The following MTAP variants were observed in gnomAD, a reference collection of about 807,000 sequenced individuals.
The protein encoded by MTAP is S-methyl-5'-thioadenosine phosphorylase.
MTAP carries 33 observed loss-of-function variants against 33.6 expected under a neutral mutation model. The observed-to-expected ratio is 0.98, with a 90% CI of 0.74 to 1.31. The LOEUF is 1.31. MTAP is among the 40% of genes most tolerant of loss of function. The pLI, the probability that MTAP is intolerant of heterozygous loss-of-function variation, is 0.00. For missense variants in MTAP, 367 were observed against 360.0 expected (o/e 1.02, Z -0.16); for synonymous variants, 148 against 125.7 (o/e 1.18, Z -1.19).
intron 1 of MTAP, among the ~76,000 whole-genome samples, chr9:21,872,270 A>G (rs1282904043): frequency 6.6e-6 from 1 of 152,202 alleles, no homozygotes; most frequent in African/African-American, 2.4e-5. Flanking sequence ...GTGAGCCAAG[A>G]TTGCGCCACT....
downstream of MTAP, chr9:21,933,165 A>G (rs1818989655): frequency 6.6e-6 from 1 of 152,218 alleles, no homozygotes; most frequent in African/African-American, 2.4e-5. Flanking sequence ...ATTCATGGGC[A>G]CCATCCTGAA....
chr9:21,867,321 C>T (rs368957961), downstream of MTAP, among the ~76,000 whole-genome samples: 87 of 152,152 alleles, frequency 5.7e-4, no homozygotes, highest in African/African-American at 2.0e-3. Context: ...AGGTTTTTTC[C>T]GTTTCATGTT....
downstream of MTAP, among the ~76,000 whole-genome samples, chr9:21,939,120 A>G (rs139648345): frequency 2.6e-5 from 4 of 152,284 alleles, no homozygotes; most frequent in East Asian, 7.7e-4. Flanking sequence ...TGGGTTAATC[A>G]GGGGTTTCTG....
At chr9:21,848,377 T>C (rs1056887642) in intron 5 of MTAP, among the ~76,000 whole-genome samples, 3 of 152,056 alleles carry the variant, frequency 2.0e-5, no homozygotes, top group Non-Finnish European at 4.4e-5. Flanking sequence ...ACTAAGGGTG[T>C]GGGATAATGG....
downstream of MTAP, among the ~76,000 whole-genome samples, chr9:21,938,355 C>G (rs1819075908): frequency 6.6e-6 from 1 of 151,428 alleles, no homozygotes; most frequent in Non-Finnish European, 1.5e-5. Flanking sequence ...GGAGGATCAC[C>G]TGAACCTAAG....
chr9:21,804,864 G>A (rs185030208), intron 1 of MTAP, among the ~76,000 whole-genome samples: 3 of 152,326 alleles, frequency 2.0e-5, no homozygotes, highest in Admixed American at 1.3e-4. Context: ...CTAGAGCCTG[G>A]CATTCCACCA....
At chr9:21,895,858 G>A (rs1818283594) in intron 1 of MTAP, among the ~76,000 whole-genome samples, 1 of 152,184 alleles carries the variant, frequency 6.6e-6, no homozygotes, top group Admixed American at 6.5e-5. Context: ...AGGCTTGCCT[G>A]CCTCTGTAGA....
intron 4 of MTAP, among the ~76,000 whole-genome samples, chr9:21,835,730 C>A (rs1825088739): frequency 6.6e-6 from 1 of 152,158 alleles, no homozygotes; most frequent in African/African-American, 2.4e-5. Flanking sequence ...CTCCCCTCAG[C>A]TGTGATTGTA....
rs1825795044 is a variant in MTAP, at chr9:21,863,535, A to C, written c.*1521A>C. ...GGCAGGAGAATGGTGTGAACCTGGG[A>C]GGTGGAGCTTGCAGTGAGCAGAGCT... On this transcript the variant is annotated 3_prime_UTR_variant, in exon 8 of 8. Coordinates refer to ENST00000644715, the MANE Select transcript of MTAP (RefSeq NM_002451.4). 6.2e-6 allele frequency: 4 copies of C among 648,542 alleles called. No homozygotes were observed. The African/African-American group carries it at 7.9e-5, about 13-fold the overall frequency. The allele number at this position is 648,542 out of a possible 1,614,324, so 40.2% of individuals were successfully genotyped here.
In MTAP at chr9:21,922,809, G is replaced by A. The variant is rs1302731965; in HGVS notation, c.148-8199G>A. ...CTTACCCTGACCGGTGGCTTACAGG[G>A]GTAGGAAGGACCTTGGAGTCCACAC... On this transcript the variant is annotated intron_variant, in intron 1 of 1. Coordinates refer to the MTAP transcript ENST00000577563. This position sits in a 1 kb window ranked among gnomAD's most constrained non-coding sequence, Gnocchi z 4.8. Among the ~76,000 whole-genome samples the A allele has an allele frequency of 6.6e-6, 1 of 152,148 alleles. No homozygotes were observed. Among genetic ancestry groups the A allele is most frequent in the Non-Finnish European group, 1.5e-5 (1 of 68,026 alleles).
downstream of MTAP, among the ~76,000 whole-genome samples, chr9:21,938,549 C>A (rs1819081347): frequency 6.6e-6 from 1 of 152,134 alleles, no homozygotes. Context: ...TAATATTATT[C>A]ATGTAAGTTT....
chr9:21,917,380 G>A (rs1818707868), intron 1 of MTAP, among the ~76,000 whole-genome samples: 1 of 152,190 alleles, frequency 6.6e-6, no homozygotes, highest in South Asian at 2.1e-4. Flanking sequence ...AGAGACGAAA[G>A]CAAGGCCTAC....
intron 1 of MTAP, among the ~76,000 whole-genome samples, chr9:21,804,189 G>C (rs1223864992): frequency 6.6e-6 from 1 of 152,160 alleles, no homozygotes; most frequent in Non-Finnish European, 1.5e-5. Context: ...CTTATTAAGT[G>C]GTAGTGCTTA....
chr9:21,908,911 C>T (rs1002060511), intron 1 of MTAP, among the ~76,000 whole-genome samples: 5 of 151,800 alleles, frequency 3.3e-5, no homozygotes, highest in Non-Finnish European at 7.4e-5. Flanking sequence ...TATTCCCTTC[C>T]CCTTCCCCAT....
chr9:21,858,903 G>A (rs1350454538), intron 6 of MTAP: 1 of 160,776 alleles, frequency 6.2e-6, no homozygotes, highest in African/African-American at 2.4e-5. Context: ...ACCATAGCAT[G>A]GGTGGCTTCT....
chr9:21,826,440 C>T (rs1042272093), intron 4 of MTAP, among the ~76,000 whole-genome samples: 33 of 151,596 alleles, frequency 2.2e-4, no homozygotes, highest in Non-Finnish European at 4.0e-4. Flanking sequence ...AGTGTCTTCT[C>T]CCGGCCCCTG....
chr9:21,887,653 T>C (rs533382408), intron 1 of MTAP, among the ~76,000 whole-genome samples: 7 of 152,324 alleles, frequency 4.6e-5, no homozygotes, highest in Non-Finnish European at 7.3e-5. Flanking sequence ...GGTCAAATGG[T>C]ATTTCTAGTT....
intron 1 of MTAP, among the ~76,000 whole-genome samples, chr9:21,913,631 A>G (rs113116081): frequency 0.042 from 6,326 of 152,228 alleles, 359 homozygotes; most frequent in African/African-American, 0.13. Context: ...ATTAATTCAG[A>G]ATGGATTAAA....
chr9:21,867,591 A>G (rs764170292), downstream of MTAP, among the ~76,000 whole-genome samples: 42 of 152,132 alleles, frequency 2.8e-4, no homozygotes, highest in Admixed American at 3.9e-4. Flanking sequence ...ATCTATGCTC[A>G]TGAGACAGAT....
Sources: allele counts gnomAD v4.1 joint callset (sites outside exome capture counted in the v4.1 genomes callset), GRCh38; gene constraint gnomAD v4.1.1; non-coding constraint Gnocchi (gnomAD v3.1); transcripts MANE v1.5; gene names NCBI Gene and HGNC (gene_info 2026-07-23, HGNC 2026-07-21).